SETD4: variants seen among roughly 807,000 people sequenced by gnomAD.
The protein encoded by SETD4 is SET domain containing 4.
SETD4 carries 46 observed loss-of-function variants against 58.3 expected under a neutral mutation model. The ratio of observed to expected loss-of-function variants is 0.79; its 90% CI spans 0.62 to 1.01. The LOEUF is 1.01. SETD4 is among the 50% of genes least tolerant of loss of function. The probability of loss-of-function intolerance (pLI) is 0.00; values close to 1 mark genes in which losing one functional copy is unlikely to be tolerated. For missense variants in SETD4, 490 were observed against 523.3 expected, an observed-to-expected ratio of 0.94 and a Z score of 0.62; for synonymous variants, 190 against 202.6, an observed-to-expected ratio of 0.94 and a Z score of 0.53.
intron 4 of SETD4, chr21:36,051,479 G>A (rs1262506613): frequency 2.2e-6 from 3 of 1,354,896 alleles, no homozygotes; most frequent in African/African-American, 1.5e-5. Flanking sequence ...AGGATGCTCA[G>A]GAAGATGAGA....
chr21:36,050,347 T>C, intron 4 of SETD4: 2 of 1,613,508 alleles, frequency 1.2e-6, no homozygotes, highest in Non-Finnish European at 1.7e-6. Context: ...TTTAGGGCTG[T>C]GGTGATGGAT....
At chr21:36,047,677 G>A (rs575269549) in intron 5 of SETD4, among the ~76,000 whole-genome samples, 55 of 151,788 alleles carry the variant, frequency 3.6e-4, no homozygotes, top group Non-Finnish European at 6.6e-4. Flanking sequence ...CCTTAGAAAT[G>A]CCATTTACAG....
chr21:36,051,039 GT>G (rs1227744569), intron 4 of SETD4: 1 of 1,492,546 alleles, frequency 6.7e-7, no homozygotes, highest in Non-Finnish European at 9.4e-7. Flanking sequence ...CTCCTTCTGT[GT>G]CTGTGAGGCC....
At chr21:36,058,581 G>A (rs2065110161) in intron 2 of SETD4, among the ~76,000 whole-genome samples, 1 of 151,648 alleles carries the variant, frequency 6.6e-6, no homozygotes, top group South Asian at 2.1e-4. Context: ...GGCCGAGCAT[G>A]CTGGCTCACG....
At chr21:36,050,669 G>A (rs2064628085) in intron 4 of SETD4, 13 of 1,597,612 alleles carry the variant, frequency 8.1e-6, no homozygotes, top group East Asian at 2.2e-5. Context: ...CTCAAGTACC[G>A]GAGTTCCCAA....
intron 3 of SETD4, among the ~76,000 whole-genome samples, chr21:36,056,775 C>G (rs558520887): frequency 6.6e-6 from 1 of 152,242 alleles, no homozygotes; most frequent in South Asian, 2.1e-4. Context: ...CCAGGCTGGT[C>G]TCAAACTCAT....
At chr21:36,058,505 C>CAA (rs61270283) in intron 2 of SETD4, among the ~76,000 whole-genome samples, 25 of 95,180 alleles carry the variant, frequency 2.6e-4, no homozygotes, top group South Asian at 3.6e-4. Flanking sequence ...ACCTTGTCTC[C>CAA]AAAAAAAAAA....
intron 7 of SETD4, 37 bp downstream of exon 7, chr21:36,043,744 TA>T: frequency 6.2e-7 from 1 of 1,604,302 alleles, no homozygotes; most frequent in South Asian, 1.1e-5. Context: ...GGAAAAAAAT[TA>T]TATAGTGTTA....
At chr21:36,052,119 G>A (rs961030654) in intron 4 of SETD4, among the ~76,000 whole-genome samples, 8 of 152,222 alleles carry the variant, frequency 5.3e-5, no homozygotes, top group Non-Finnish European at 7.4e-5. Flanking sequence ...TGGACTTCTT[G>A]TGTTTGTGAT....
In SETD4 at chr21:36,045,684, G is replaced by GGCCCT. The variant is rs760520258; in HGVS notation, c.623_624insAGGGC (p.Val209GlyfsTer5). 6.2e-7 allele frequency: 1 copy of GGCCCT among 1,614,202 alleles called. No homozygotes were observed. The highest frequency in any genetic ancestry group is 2.2e-5 in the East Asian group (1 of 44,880). On this transcript the variant is annotated frameshift_variant, in exon 6 of 12. Coordinates refer to ENST00000332131, the MANE Select transcript of SETD4 (RefSeq NM_017438.5). LOFTEE classifies it high-confidence loss of function. ...CCCGCTGCCTGGGCCTCAGGTACAC[G>GGCCCT]GCTCTGGTGTTGACGGTGCACCAAG...
At chr21:36,050,523 A>C (rs2064612809) in intron 4 of SETD4, 1 of 1,613,944 alleles carries the variant, frequency 6.2e-7, no homozygotes, top group Non-Finnish European at 8.5e-7. Flanking sequence ...ATGCCAGTTA[A>C]TGAACCGACT....
At chr21:36,050,991 G>T in intron 4 of SETD4, 1 of 1,602,666 alleles carries the variant, frequency 6.2e-7, no homozygotes, top group Non-Finnish European at 8.6e-7. Context: ...CCTGGGGATG[G>T]ATGTGTGTGG....
chr21:36,047,784 C>G (rs957250550), intron 5 of SETD4, among the ~76,000 whole-genome samples: 1 of 142,010 alleles, frequency 7.0e-6, no homozygotes, highest in Non-Finnish European at 1.5e-5. Context: ...AGGTCAGGAG[C>G]TCAAGACGAG....
chr21:36,059,166 AAC>A (rs1288161375), intron 1 of SETD4: 3 of 299,054 alleles, frequency 1.0e-5, no homozygotes, highest in Non-Finnish European at 1.8e-5. Flanking sequence ...GTCCCTCTAA[AAC>A]AGTTTTATCT....
In SETD4 at chr21:36,036,231, T is replaced by G. The variant is rs769717069; in HGVS notation, c.1209A>C (p.Glu403Asp). 27 of 1,609,200 alleles carry G rather than the reference T, an allele frequency of 1.7e-5. 1 individual carries two copies. In the South Asian group the frequency reaches 3.0e-4, roughly 18 times the overall value. ...TTAGTTGGTTTATCAGGGCCTCTTT[T>G]TCATCCTTCATATGAGACACCTGAA... ...VLQKVSHMKD[E>D]KEALINQLTL... Residue 403 changes from glutamate (E) to aspartate (D), a missense_variant, in exon 11 of 12, where the codon GAA becomes GAC. Transcript: ENST00000332131.
chr21:36,041,246 T>C (rs1290716742), intron 8 of SETD4, among the ~76,000 whole-genome samples: 1 of 146,882 alleles, frequency 6.8e-6, no homozygotes, highest in Non-Finnish European at 1.5e-5. Context: ...GAGTTCCCAG[T>C]AAGAGAAACG....
chr21:36,036,567 T>C (rs889591787), intron 10 of SETD4: 1 of 842,044 alleles, frequency 1.2e-6, no homozygotes, highest in African/African-American at 1.8e-5. Context: ...TGTCCTTTTG[T>C]GTCTGGCTTA....
At chr21:36,042,881 A>C (rs1601216584) in intron 7 of SETD4, 1 of 152,184 alleles carries the variant, frequency 6.6e-6, no homozygotes, top group East Asian at 1.9e-4. Flanking sequence ...AGGCAGGAGG[A>C]TCTCGAGCCC....
At chr21:36,040,812 T>TA (rs2064014475) in intron 8 of SETD4, among the ~76,000 whole-genome samples, 157 bp from the exon 9 acceptor site, 2 of 152,158 alleles carry the variant, frequency 1.3e-5, no homozygotes, top group African/African-American at 4.8e-5. Flanking sequence ...AGTCTGCAAA[T>TA]ACTTAAGAAG....
Sources: gnomAD v4.1 joint callset for allele counts (sites outside exome capture counted in the v4.1 genomes callset) on GRCh38, gnomAD v4.1.1 for gene constraint, MANE v1.5 for transcripts, NCBI Gene and HGNC (gene_info 2026-07-23, HGNC 2026-07-21) for gene names.